INSC: variants seen among roughly 807,000 people sequenced by gnomAD.
INSC encodes the protein INSC spindle orientation adaptor protein.
A neutral mutation model predicts 58.6 loss-of-function variants in INSC; 67 were observed. That is an observed-to-expected ratio of 1.14 (90% CI 0.94 to 1.40). INSC has a LOEUF of 1.40. Ranked by LOEUF, INSC falls within the 40% of genes most tolerant of loss-of-function variation. The pLI is 0.00. For synonymous variants in INSC, 262 were observed against 276.1 expected (o/e 0.95, Z 0.51); for missense variants, 714 against 692.0 (o/e 1.03, Z -0.36).
downstream of INSC, among the ~76,000 whole-genome samples, chr11:15,247,756 T>TATATA (rs1473234183): frequency 2.0e-5 from 3 of 148,298 alleles, no homozygotes; most frequent in South Asian, 2.1e-4. Context: ...TATATATATA[T>TATATA]TTCACTGAGT....
intron 1 of INSC, among the ~76,000 whole-genome samples, chr11:15,115,714 C>T (rs1325269404): frequency 6.6e-6 from 1 of 152,178 alleles, no homozygotes; most frequent in Non-Finnish European, 1.5e-5. Context: ...TCGCAGTGCA[C>T]CCACGCTTAC....
chr11:15,233,422 T>G (rs1851999569), intron 9 of INSC, among the ~76,000 whole-genome samples: 1 of 152,162 alleles, frequency 6.6e-6, no homozygotes, highest in Admixed American at 6.5e-5. Flanking sequence ...CTCTTTCCCC[T>G]CTATGTTATG....
At chr11:15,205,652 A>C (rs1222451737) in intron 7 of INSC, among the ~76,000 whole-genome samples, 1 of 152,144 alleles carries the variant, frequency 6.6e-6, no homozygotes, top group Non-Finnish European at 1.5e-5. Flanking sequence ...AGTGAAGTGC[A>C]CACATGGAGA....
Position 15,200,942 on chromosome 11 carries a change from T to G in INSC, c.812T>G (p.Leu271Arg). 1.2e-6 allele frequency: 2 copies of G among 1,605,046 alleles called. No individual in the cohort carries two copies. The highest frequency in any genetic ancestry group is 1.7e-6 in the Non-Finnish European group (2 of 1,176,098). Reference sequence around the variant, plus strand: ...TGCGTGGAAGAGGGTGTCCACCAGCTGGAGAAGGTAAGGACAGCTGGCTGG... The same window carrying G: ...TGCGTGGAAGAGGGTGTCCACCAGCGGGAGAAGGTAAGGACAGCTGGCTGG... Reference protein sequence around the residue: ...ICCVEEGVHQLEKVDGVLCLA... With the variant: ...ICCVEEGVHQREKVDGVLCLA... The change falls in exon 7 of 13, where the codon CTG becomes CGG. Residue 271 changes from leucine to arginine, a missense_variant. Physicochemically the swap from Leu to Arg is moderately radical, Grantham distance 102 (BLOSUM62 -2). Coordinates refer to ENST00000379556, the MANE Select transcript of INSC (RefSeq NM_001042536.3).
At chr11:15,209,218 C>T (rs1002228668) in intron 7 of INSC, among the ~76,000 whole-genome samples, 2 of 152,174 alleles carry the variant, frequency 1.3e-5, no homozygotes, top group African/African-American at 4.8e-5. Context: ...GGGTTTGGTG[C>T]CCAGCTCTAC....
At chr11:15,122,546 C>T (rs12786199) in intron 1 of INSC, among the ~76,000 whole-genome samples, 1 of 152,212 alleles carries the variant, frequency 6.6e-6, no homozygotes, top group Admixed American at 6.5e-5. Flanking sequence ...ACCTGGTCCT[C>T]TTCAGGTATT....
intron 1 of INSC, 88 bp from the exon 2 acceptor site, chr11:15,149,042 T>A: frequency 7.0e-7 from 1 of 1,426,152 alleles, no homozygotes; most frequent in Non-Finnish European, 9.2e-7. Context: ...TTGTCTGCTT[T>A]GGTTCCTTGT....
chr11:15,178,550 C>A, intron 5 of INSC, 103 bp downstream of exon 5: 3 of 1,357,644 alleles, frequency 2.2e-6, no homozygotes, highest in South Asian at 1.4e-5. Context: ...CTGATGTGGA[C>A]TTTATTGGGA....
At chr11:15,121,389 G>C (rs967682489) in intron 1 of INSC, among the ~76,000 whole-genome samples, 2 of 152,158 alleles carry the variant, frequency 1.3e-5, no homozygotes, top group African/African-American at 4.8e-5. Flanking sequence ...GGTTATTGTG[G>C]ATGGTTCTAC....
chr11:15,229,917 T>A (rs1851781323), intron 9 of INSC, among the ~76,000 whole-genome samples: 1 of 107,554 alleles, frequency 9.3e-6, no homozygotes, highest in Non-Finnish European at 1.8e-5. Flanking sequence ...TATATATATA[T>A]AAATTTTTTA....
intron 1 of INSC, among the ~76,000 whole-genome samples, chr11:15,127,079 T>G (rs1187845850): frequency 6.6e-6 from 1 of 152,122 alleles, no homozygotes; most frequent in Non-Finnish European, 1.5e-5. Context: ...CAAGGGGATA[T>G]CTTGTGCCTG....
At chr11:15,263,987 C>T in the INSC span, among the ~76,000 whole-genome samples, 1 of 151,330 alleles carries the variant, frequency 6.6e-6, no homozygotes, top group Non-Finnish European at 1.5e-5. Flanking sequence ...CTCTATTCTG[C>T]TGCGGCTACT....
intron 1 of INSC, 150 bp downstream of exon 1, chr11:15,115,153 G>C: frequency 2.6e-6 from 1 of 390,288 alleles, no homozygotes; most frequent in Non-Finnish European, 3.5e-6. Flanking sequence ...GCCAGTGTGA[G>C]GGAGTGTGTC....
In INSC at chr11:15,190,741, CCA is replaced by C. The variant is rs768865294; in HGVS notation, c.623_624del (p.Thr208ArgfsTer88). ...ATTGATGCCTCAGACAATATCTACA[CCA>C]CAGAGTCCACCACAGGGAACCTGTT... On this transcript the variant is annotated frameshift_variant, in exon 6 of 13. Transcript: ENST00000379556. LOFTEE classifies it high-confidence loss of function. The C allele has an allele frequency of 1.2e-6, 2 of 1,613,928 alleles. No individual in the cohort carries two copies. The highest frequency in any genetic ancestry group is 1.7e-6 in the Non-Finnish European group (2 of 1,179,832).
At chr11:15,253,865 T>C in the INSC span, among the ~76,000 whole-genome samples, 2 of 152,140 alleles carry the variant, frequency 1.3e-5, no homozygotes, top group African/African-American at 4.8e-5. Context: ...AACAGAGATT[T>C]GGAGTGTAGA....
chr11:15,196,460 C>T lies in INSC; in HGVS notation c.694-4364C>T, dbSNP rs558635077. Among the ~76,000 whole-genome samples the T allele has an allele frequency of 3.5e-4, 51 of 145,950 alleles. 1 individual carries two copies. Among genetic ancestry groups the T allele is most frequent in the Non-Finnish European group, 6.1e-4 (40 of 65,432 alleles). On this transcript the variant is annotated intron_variant, in intron 6 of 12. Coordinates refer to ENST00000379556, the MANE Select transcript of INSC (RefSeq NM_001042536.3). The stretch of plus-strand genomic sequence containing the variant: ...TAGTTGGTTAAAATCTAGAGTCTTT[C>T]CCTTTCCAGGCAAAACTCTGCTAAC...
upstream of INSC, among the ~76,000 whole-genome samples, chr11:15,112,248 C>A (rs1847586329): frequency 6.6e-6 from 1 of 152,128 alleles, no homozygotes; most frequent in South Asian, 2.1e-4. Context: ...GACAGCACAG[C>A]ATTGAGAAGT....
chr11:15,245,545 TTC>T (rs1357708044), intron 12 of INSC, among the ~76,000 whole-genome samples: 1 of 152,222 alleles, frequency 6.6e-6, no homozygotes, highest in Non-Finnish European at 1.5e-5. Flanking sequence ...TTCCTCTTTT[TTC>T]CATAGTGCTT....
intron 1 of INSC, among the ~76,000 whole-genome samples, chr11:15,145,461 C>A (rs144087622): frequency 1.6e-3 from 238 of 152,272 alleles, no homozygotes; most frequent in African/African-American, 5.5e-3. Context: ...TTCTTCAAGT[C>A]TGCTCAACAG....
Sources: gnomAD v4.1 joint callset for allele counts (sites outside exome capture counted in the v4.1 genomes callset) on GRCh38, gnomAD v4.1.1 for gene constraint, MANE v1.5 for transcripts, NCBI Gene and HGNC (gene_info 2026-07-23, HGNC 2026-07-21) for gene names.